HEPHL1: variants seen among roughly 807,000 people sequenced by gnomAD.
HEPHL1 encodes hephaestin like 1.
A neutral mutation model predicts 122.0 loss-of-function variants in HEPHL1; 123 were observed. The observed-to-expected ratio is 1.01, with a 90% confidence interval of 0.87 to 1.17. The LOEUF (loss-of-function observed/expected upper bound fraction) is 1.17. Ranked by LOEUF, HEPHL1 falls within the 50% of genes most tolerant of loss-of-function variation. The pLI is 0.00. For synonymous variants in HEPHL1, 527 were observed against 508.9 expected (o/e 1.04, Z -0.48); for missense variants, 1,452 against 1,430.5 (o/e 1.01, Z -0.24).
chr11:94,025,065 T>C (rs1330668997), intron 1 of HEPHL1, among the ~76,000 whole-genome samples: 1 of 152,186 alleles, frequency 6.6e-6, no homozygotes, highest in South Asian at 2.1e-4. Flanking sequence ...CACATCCTTA[T>C]GCACAAGGAC....
At position 94,064,442 on chromosome 11, in the gene HEPHL1, A is replaced by G. The variant is rs1329031740; in HGVS notation, c.740A>G (p.His247Arg). The change falls in exon 4 of 20, where the codon CAT becomes CGT. Residue 247 changes from histidine to arginine, a missense_variant. Physicochemically the swap from His to Arg is conservative, Grantham distance 29. Coordinates refer to ENST00000315765, the MANE Select transcript of HEPHL1 (RefSeq NM_001098672.2). ...QSWYLNENIKHFCTNPDSVDK... is the reference protein window; with the variant it reads ...QSWYLNENIKRFCTNPDSVDK... ...TGGTACCTCAATGAAAATATCAAACATTTCTGCACCAACCCTGATTCAGTT... is the reference window on the plus strand; with the variant it reads ...TGGTACCTCAATGAAAATATCAAACGTTTCTGCACCAACCCTGATTCAGTT... 1.2e-6 allele frequency: 2 copies of G among 1,613,310 alleles called. No homozygotes were observed. Among genetic ancestry groups the G allele is most frequent in the East Asian group, 2.2e-5 (1 of 44,852 alleles).
At chr11:94,049,266 G>C (rs1470561247) in intron 2 of HEPHL1, among the ~76,000 whole-genome samples, 2 of 151,768 alleles carry the variant, frequency 1.3e-5, no homozygotes, top group Non-Finnish European at 2.9e-5. Flanking sequence ...ACTACAATGA[G>C]ATCTCATCTT....
In HEPHL1 at chr11:94,073,183, C is replaced by G; in HGVS notation, c.1372+19C>G. The G allele has an allele frequency of 6.2e-7, 1 of 1,612,582 alleles. No homozygotes were observed. The highest frequency in any genetic ancestry group is 8.5e-7 in the Non-Finnish European group (1 of 1,179,280). On this transcript the variant is annotated intron_variant, in intron 7 of 19. Transcript: ENST00000315765. ...ATTCTTGGTACAGTAAAACCATCCC[C>G]CATGCATTGAACCCAGGGAGATGTT...
intron 6 of HEPHL1, among the ~76,000 whole-genome samples, chr11:94,072,547 A>G (rs1946083896): frequency 6.6e-6 from 1 of 152,120 alleles, no homozygotes; most frequent in African/African-American, 2.4e-5. Context: ...TTTCATGCAT[A>G]TGGTTTATAT....
chr11:94,043,950 G>T (rs953927663), intron 1 of HEPHL1, among the ~76,000 whole-genome samples: 4 of 152,108 alleles, frequency 2.6e-5, no homozygotes, highest in African/African-American at 9.6e-5. Context: ...ATAACTGAGA[G>T]AGAATAAATG....
At chr11:94,098,793 A>G (rs1946341706) in intron 13 of HEPHL1, among the ~76,000 whole-genome samples, 1 of 152,210 alleles carries the variant, frequency 6.6e-6, no homozygotes. Flanking sequence ...CCTTTCTTCC[A>G]GTTGATCGAA....
rs759381621 is a variant in HEPHL1, at chr11:94,112,095, G to T, written c.*201G>T. On this transcript the variant is annotated 3_prime_UTR_variant, in exon 20 of 20. Transcript: ENST00000315765. ...TTAAATGGGCTGCGAATAATCCTCA[G>T]GTATAAAACACAGAAAAAGGAGAAT... 22 of 401,396 alleles carry T rather than the reference G, an allele frequency of 5.5e-5. No homozygotes were observed. The Middle Eastern group carries it at 1.9e-3, about 34-fold the overall frequency. The allele number at this position is 401,396 out of a possible 1,614,324, so 24.9% of individuals were successfully genotyped here.
intron 10 of HEPHL1, among the ~76,000 whole-genome samples, chr11:94,084,375 A>ATAT (rs1946199367): frequency 7.0e-6 from 1 of 142,034 alleles, no homozygotes; most frequent in Non-Finnish European, 1.5e-5. Context: ...TAAATAAATA[A>ATAT]ATATATAAAT....
chr11:94,036,301 C>G (rs1200392114), intron 1 of HEPHL1, among the ~76,000 whole-genome samples: 1 of 152,172 alleles, frequency 6.6e-6, no homozygotes, highest in African/African-American at 2.4e-5. Flanking sequence ...TATAGCTCCA[C>G]CTGCTGATGT....
intron 13 of HEPHL1, among the ~76,000 whole-genome samples, chr11:94,098,241 T>G (rs1332886063): frequency 6.6e-6 from 1 of 152,234 alleles, no homozygotes; most frequent in African/African-American, 2.4e-5. Context: ...CATTTGCTTG[T>G]CTGTAAAGGA....
intron 1 of HEPHL1, among the ~76,000 whole-genome samples, chr11:94,025,115 A>G (rs1010827540): frequency 7.9e-5 from 12 of 152,202 alleles, no homozygotes; most frequent in African/African-American, 2.7e-4. Flanking sequence ...CTGAGACTCT[A>G]TAGCCCTCAG....
intron 1 of HEPHL1, among the ~76,000 whole-genome samples, chr11:94,031,216 T>C (rs938822390): frequency 6.6e-6 from 1 of 152,016 alleles, no homozygotes; most frequent in African/African-American, 2.4e-5. Flanking sequence ...GAAAGTAAAC[T>C]TCTCCTCCGT....
At chr11:94,076,349 A>G (rs1946123475) in intron 9 of HEPHL1, among the ~76,000 whole-genome samples, 1 of 152,212 alleles carries the variant, frequency 6.6e-6, no homozygotes, top group Non-Finnish European at 1.5e-5. Flanking sequence ...CCTAGTAAGT[A>G]GTGAAAGTTG....
intron 9 of HEPHL1, among the ~76,000 whole-genome samples, chr11:94,079,596 A>G (rs536296346): frequency 1.1e-3 from 167 of 152,254 alleles, no homozygotes; most frequent in Admixed American, 4.3e-3. Flanking sequence ...TTTGCAAGAG[A>G]AAAGAGTGGC....
intron 2 of HEPHL1, chr11:94,055,766 A>G (rs1945931355): frequency 2.5e-6 from 1 of 396,628 alleles, no homozygotes; most frequent in South Asian, 2.2e-5. Flanking sequence ...GATCAAGAGT[A>G]GCAGTCAACG....
At chr11:94,098,428 C>T (rs1252066096) in intron 13 of HEPHL1, among the ~76,000 whole-genome samples, 3 of 152,208 alleles carry the variant, frequency 2.0e-5, no homozygotes, top group Admixed American at 2.0e-4. Context: ...CGACCTTTCT[C>T]TCTGGCTGCC....
At chr11:94,058,766 A>G (rs2134423928) in intron 2 of HEPHL1, among the ~76,000 whole-genome samples, 1 of 152,122 alleles carries the variant, frequency 6.6e-6, no homozygotes, top group African/African-American at 2.4e-5. Flanking sequence ...GGGTCTCGCT[A>G]TGTTGCCTAG....
chr11:94,095,389 C>A (rs541077538), intron 13 of HEPHL1, among the ~76,000 whole-genome samples: 2 of 152,130 alleles, frequency 1.3e-5, no homozygotes, highest in Non-Finnish European at 2.9e-5. Context: ...GCTGTTTTGG[C>A]TACTACAGCC....
chr11:94,061,551 T>A (rs983303722), intron 2 of HEPHL1, among the ~76,000 whole-genome samples: 7 of 152,132 alleles, frequency 4.6e-5, no homozygotes, highest in South Asian at 4.1e-4. Context: ...ATAGTTTTTT[T>A]AAATGTCATT....
Sources: gnomAD v4.1 joint callset for allele counts (sites outside exome capture counted in the v4.1 genomes callset) on GRCh38, gnomAD v4.1.1 for gene constraint, MANE v1.5 for transcripts, NCBI Gene and HGNC (gene_info 2026-07-23, HGNC 2026-07-21) for gene names.